The following MYRIP variants were observed in gnomAD, a reference collection of about 807,000 sequenced individuals.
MYRIP encodes the protein myosin VIIA and Rab interacting protein, also known as rab effector MyRIP.
Under a neutral mutation model 98.0 loss-of-function variants are expected in MYRIP, and 49 were observed. That is an observed-to-expected ratio of 0.50 (90% CI 0.40 to 0.63). The LOEUF (loss-of-function observed/expected upper bound fraction) is 0.63, where lower values mean the gene tolerates loss of function less well. Ranked by LOEUF, MYRIP falls within the 30% of genes least tolerant of loss-of-function variation. MYRIP has a pLI of 0.00. For synonymous variants in MYRIP, 404 were observed against 409.5 expected (o/e 0.99, Z 0.16); for missense variants, 1,004 against 1,058.2 (o/e 0.95, Z 0.71).
chr3:40,131,127 C>A (rs904796640), intron 3 of MYRIP, among the ~76,000 whole-genome samples: 1 of 152,192 alleles, frequency 6.6e-6, no homozygotes, highest in African/African-American at 2.4e-5. Context: ...AATTGCAATA[C>A]TTCTACCTGC....
intron 1 of MYRIP, among the ~76,000 whole-genome samples, chr3:39,853,898 T>C (rs2125609398): frequency 6.6e-6 from 1 of 152,342 alleles, no homozygotes; most frequent in South Asian, 2.1e-4. Context: ...GTCTTAGATT[T>C]AAGTCTGATC....
In MYRIP at chr3:39,827,405, A is replaced by T. The variant is rs1233432598; in HGVS notation, c.-31+17489A>T. ...TCAGTTTATAGGCGTGAGCCACCGC[A>T]TCAAGCCAGGTCTTATTTTTTTAAT... On this transcript the variant is annotated intron_variant, in intron 1 of 16. Transcript: ENST00000302541. Among the ~76,000 whole-genome samples, 4 of 152,214 alleles carry T rather than the reference A, an allele frequency of 2.6e-5. No individual in the cohort carries two copies. In the East Asian group the frequency reaches 7.7e-4, roughly 29 times the overall value.
In MYRIP at chr3:40,046,607, C is replaced by G. The variant is rs550367286; in HGVS notation, c.332+2336C>G. ...TGGAGAGGAGGAATCAGGAGACACT[C>G]TCAGACAATGTGTGGCATGAGCAAA... On this transcript the variant is annotated intron_variant, in intron 3 of 16. Coordinates refer to ENST00000302541, the MANE Select transcript of MYRIP (RefSeq NM_015460.4). 1.3e-3 allele frequency among the ~76,000 whole-genome samples: 190 copies of G among 148,912 alleles called. 1 individual carries two copies. Among genetic ancestry groups the G allele is most frequent in the African/African-American group, 4.7e-3 (187 of 40,174 alleles).
In MYRIP at chr3:39,984,924, T is replaced by A. The variant is rs532512309; in HGVS notation, c.111-59126T>A. ...ACTTTTTAATGATTGCCATTCTAAC[T>A]GGTGTGAGATGGTATCTCATTGTGG... On this transcript the variant is annotated intron_variant, in intron 2 of 16. Transcript: ENST00000302541. 6.5e-4 allele frequency among the ~76,000 whole-genome samples: 98 copies of A among 151,456 alleles called. No homozygotes were observed. In the East Asian group the frequency reaches 0.016, roughly 25 times the overall value.
chr3:40,218,612 TTATATATATATATATATATATA>T (rs751894190), intron 11 of MYRIP, among the ~76,000 whole-genome samples: 7 of 13,564 alleles, frequency 5.2e-4, no homozygotes, highest in African/African-American at 8.8e-4. Flanking sequence ...TATATATATT[TTATATATATATATATATATATA>T]TATATATATA....
chr3:40,131,558 A>G (rs535170403), intron 3 of MYRIP, among the ~76,000 whole-genome samples: 17 of 152,314 alleles, frequency 1.1e-4, no homozygotes, highest in East Asian at 7.7e-4. Flanking sequence ...TTCATAATAC[A>G]CTTTAGGGGA....
intron 2 of MYRIP, among the ~76,000 whole-genome samples, chr3:39,930,447 A>T (rs1187563007): frequency 1.3e-5 from 2 of 151,954 alleles, no homozygotes; most frequent in Non-Finnish European, 2.9e-5. Flanking sequence ...AATACAGTTC[A>T]CTTACTATAT....
chr3:40,128,441 G>C (rs1222053817), intron 3 of MYRIP, among the ~76,000 whole-genome samples: 1 of 152,184 alleles, frequency 6.6e-6, no homozygotes, highest in Non-Finnish European at 1.5e-5. Context: ...ACAGCATGTA[G>C]TTTATATAGC....
At chr3:40,257,841 A>G (rs1018684048) in intron 16 of MYRIP, among the ~76,000 whole-genome samples, 2 of 152,192 alleles carry the variant, frequency 1.3e-5, no homozygotes, top group African/African-American at 4.8e-5. Flanking sequence ...ACTAGTAAAG[A>G]AGGTATGGAT....
At chr3:40,221,466 C>T (rs985173792) in intron 11 of MYRIP, among the ~76,000 whole-genome samples, 3 of 151,980 alleles carry the variant, frequency 2.0e-5, no homozygotes, top group South Asian at 2.1e-4. Context: ...CCCCTCTCTA[C>T]AAAAAAATAC....
chr3:40,015,654 C>A (rs1049278569), intron 2 of MYRIP, among the ~76,000 whole-genome samples: 1 of 152,206 alleles, frequency 6.6e-6, no homozygotes, highest in Non-Finnish European at 1.5e-5. Context: ...GCCAGGACAG[C>A]CAGGCAGGTT....
At chr3:39,952,465 C>T (rs572199549) in intron 2 of MYRIP, among the ~76,000 whole-genome samples, 34 of 152,152 alleles carry the variant, frequency 2.2e-4, no homozygotes, top group Middle Eastern at 3.4e-3. Flanking sequence ...TTCACTAATA[C>T]GGTATATTAC....
intron 13 of MYRIP, among the ~76,000 whole-genome samples, chr3:40,246,250 C>G (rs1308216967): frequency 6.6e-6 from 1 of 151,798 alleles, no homozygotes; most frequent in Non-Finnish European, 1.5e-5. Context: ...GTGGCTCACA[C>G]TTTTTCCAAA....
chr3:39,822,475 T>C (rs931539250), intron 1 of MYRIP, among the ~76,000 whole-genome samples: 2 of 152,176 alleles, frequency 1.3e-5, no homozygotes, highest in Non-Finnish European at 2.9e-5. Context: ...GCGATTTTTT[T>C]TTTCTCATCA....
chr3:40,175,106 CAG>C (rs1410368589), intron 8 of MYRIP, among the ~76,000 whole-genome samples: 2 of 150,846 alleles, frequency 1.3e-5, no homozygotes, highest in African/African-American at 4.9e-5. Context: ...GCCTGGGTGA[CAG>C]AGCAAGTCTC....
At position 40,057,481 on chromosome 3, in the gene MYRIP, C is replaced by T. The variant is rs1437411197; in HGVS notation, c.332+13210C>T. Among the ~76,000 whole-genome samples the T allele has an allele frequency of 2.0e-5, 3 of 152,136 alleles. No individual in the cohort carries two copies. The South Asian group carries it at 6.2e-4, about 31-fold the overall frequency. Reference sequence around the variant, plus strand: ...AGCTAACGTTAATCTAGACAACCTCCGTATGTCATAAAATAGGAGAATGAT... The same window carrying T: ...AGCTAACGTTAATCTAGACAACCTCTGTATGTCATAAAATAGGAGAATGAT... On this transcript the variant is annotated intron_variant, in intron 3 of 16. Transcript: ENST00000302541.
At chr3:39,888,306 G>A (rs1257599156) in intron 1 of MYRIP, among the ~76,000 whole-genome samples, 4 of 151,926 alleles carry the variant, frequency 2.6e-5, no homozygotes, top group Non-Finnish European at 5.9e-5. Flanking sequence ...AACCAAAACA[G>A]CATGGTACTG....
chr3:39,890,343 A>G (rs528725852), intron 1 of MYRIP, among the ~76,000 whole-genome samples: 1 of 152,130 alleles, frequency 6.6e-6, no homozygotes, highest in Non-Finnish European at 1.5e-5. Context: ...CTACCATGTC[A>G]TATTTTATCA....
chr3:39,954,879 A>C (rs1197916524), intron 2 of MYRIP, among the ~76,000 whole-genome samples: 2 of 152,184 alleles, frequency 1.3e-5, no homozygotes, highest in Non-Finnish European at 2.9e-5. Context: ...TGACAAATGC[A>C]CAAGCTTCAG....
Sources: gnomAD v4.1 joint callset for allele counts (sites outside exome capture counted in the v4.1 genomes callset) on GRCh38, gnomAD v4.1.1 for gene constraint, MANE v1.5 for transcripts, NCBI Gene and HGNC (gene_info 2026-07-23, HGNC 2026-07-21) for gene names.